The following PSMB2 variants were observed in gnomAD, a reference collection of about 807,000 sequenced individuals.
PSMB2 encodes the protein proteasome subunit beta type-2.
PSMB2 carries 13 observed loss-of-function variants against 25.7 expected under a neutral mutation model. The ratio of observed to expected loss-of-function variants is 0.51; its 90% CI spans 0.33 to 0.80. PSMB2 has a LOEUF of 0.80. PSMB2 is among the 30% of genes least tolerant of loss of function. The pLI is 0.02. For synonymous variants in PSMB2, 87 were observed against 96.2 expected, an observed-to-expected ratio of 0.90 and a Z score of 0.56; for missense variants, 202 against 259.0, an observed-to-expected ratio of 0.78 and a Z score of 1.51.
Position 35,600,576 on chromosome 1 carries a change from T to G in PSMB2, c.*2691A>C, listed in dbSNP as rs1649961224. On this transcript the variant is annotated 3_prime_UTR_variant, in exon 6 of 6. Coordinates refer to ENST00000373237, the MANE Select transcript of PSMB2 (RefSeq NM_002794.5). Reference sequence around the variant, plus strand: ...TTGGGAAACCAGGTAGCTCTAATTCTCTAAGACAGAATGTCATAGAGGCGG... The same window carrying G: ...TTGGGAAACCAGGTAGCTCTAATTCGCTAAGACAGAATGTCATAGAGGCGG... 1.0e-6 allele frequency: 1 copy of G among 985,308 alleles called. No individual in the cohort carries two copies. Among genetic ancestry groups the G allele is most frequent in the Admixed American group, 6.1e-5 (1 of 16,268 alleles). The allele number at this position is 985,308 out of a possible 1,614,324, so 61.0% of individuals were successfully genotyped here.
chr1:35,626,408 T>C (rs1335053638), intron 3 of PSMB2, among the ~76,000 whole-genome samples: 1 of 152,236 alleles, frequency 6.6e-6, no homozygotes, highest in Non-Finnish European at 1.5e-5. Flanking sequence ...ATAATTAATA[T>C]TCTCAGCAGA....
chr1:35,631,607 A>G, intron 2 of PSMB2: 1 of 795,010 alleles, frequency 1.3e-6, no homozygotes, highest in Non-Finnish European at 1.7e-6. Context: ...CCTTGCTTAA[A>G]CTATTCATTC....
intron 3 of PSMB2, among the ~76,000 whole-genome samples, chr1:35,610,460 A>G (rs367670481): frequency 2.1e-4 from 32 of 152,028 alleles, no homozygotes; most frequent in African/African-American, 7.7e-4. Flanking sequence ...ACAACTCATG[A>G]GGTAGGGAGG....
Position 35,628,398 on chromosome 1 carries a change from A to G in PSMB2, c.285+2876T>C, listed in dbSNP as rs983414602. 2.6e-5 allele frequency among the ~76,000 whole-genome samples: 4 copies of G among 151,214 alleles called. No homozygotes were observed. The East Asian group carries it at 5.8e-4, about 22-fold the overall frequency. On this transcript the variant is annotated intron_variant, in intron 3 of 5. Coordinates refer to ENST00000373237, the MANE Select transcript of PSMB2 (RefSeq NM_002794.5). Reference sequence around the variant, plus strand: ...TATGACACAGTATTTATTGTGCCCAAAGCTGGAATTCTTACTCCGGTTCTG... The same window carrying G: ...TATGACACAGTATTTATTGTGCCCAGAGCTGGAATTCTTACTCCGGTTCTG...
intron 3 of PSMB2, among the ~76,000 whole-genome samples, chr1:35,610,337 G>A (rs1004488575): frequency 2.0e-5 from 3 of 151,954 alleles, no homozygotes; most frequent in Non-Finnish European, 4.4e-5. Context: ...CTACTCAGGA[G>A]GCTAAGGTGG....
Position 35,618,841 on chromosome 1 carries a change from AC to A in PSMB2, c.286-9434del, listed in dbSNP as rs1650582858. On this transcript the variant is annotated intron_variant, in intron 3 of 5. Transcript: ENST00000373237. ...CAGAATACTATAATGAGCTTCACAA[AC>A]AAAAAGTTAAACACCTGACTTTCTT... is the stretch of plus-strand genomic sequence containing the variant. Among the ~76,000 whole-genome samples, 4 of 152,362 alleles carry A rather than the reference AC, an allele frequency of 2.6e-5. No homozygotes were observed. The South Asian group carries it at 8.3e-4, about 32-fold the overall frequency.
At position 35,634,415 on chromosome 1, in the gene PSMB2, C is replaced by T. The variant is rs559982196; in HGVS notation, c.214+1895G>A. 6.6e-5 allele frequency among the ~76,000 whole-genome samples: 10 copies of T among 152,262 alleles called. No homozygotes were observed. The South Asian group carries it at 2.1e-3, about 32-fold the overall frequency. On this transcript the variant is annotated intron_variant, in intron 2 of 5. Coordinates refer to ENST00000373237, the MANE Select transcript of PSMB2 (RefSeq NM_002794.5). ...GTTTTGAGACAGGGTCTCACTCTGT[C>T]GCACAGGCTGGAGTGCAGTGGCACT...
Position 35,603,336 on chromosome 1 carries a change from A to T in PSMB2, c.537T>A (p.Ser179Arg). 1 of 1,614,216 alleles carries T rather than the reference A, an allele frequency of 6.2e-7. No homozygotes were observed. The highest frequency in any genetic ancestry group is 1.3e-5 in the African/African-American group (1 of 75,056). Residue 179 changes from serine (S) to arginine (R), a missense_variant, in exon 6 of 6, where the codon AGT becomes AGA. Transcript: ENST00000373237. ...KRFILNLPTF[S>R]VRIIDKNGIH... ...TGCCATTTTTGTCAATGATTCGAAC[A>T]CTGAAGGTTGGCAGATTCAGGATGA...
chr1:35,629,040 TGACCTG>T (rs1651004502), intron 3 of PSMB2, among the ~76,000 whole-genome samples: 1 of 152,214 alleles, frequency 6.6e-6, no homozygotes, highest in Non-Finnish European at 1.5e-5. Context: ...ACCTGCTGTG[TGACCTG>T]GAGCTAGTCC....
At chr1:35,605,311 T>C in intron 4 of PSMB2, 29 bp from the exon 5 acceptor site, 1 of 1,602,560 alleles carries the variant, frequency 6.2e-7, no homozygotes, top group Non-Finnish European at 8.5e-7. Context: ...ACCAAATACT[T>C]CCGGTGCTGT....
At chr1:35,638,125 GGCAGTA>G (rs1651296274) in intron 1 of PSMB2, among the ~76,000 whole-genome samples, 1 of 152,128 alleles carries the variant, frequency 6.6e-6, no homozygotes, top group African/African-American at 2.4e-5. Context: ...TAAAATCCTA[GGCAGTA>G]ACCTGTTCAA....
At chr1:35,629,152 G>A (rs1032747295) in intron 3 of PSMB2, among the ~76,000 whole-genome samples, 1 of 152,120 alleles carries the variant, frequency 6.6e-6, no homozygotes, top group Admixed American at 6.6e-5. Flanking sequence ...AAAATGCTTT[G>A]GGCAAAAGTC....
At position 35,600,322 on chromosome 1, in the gene PSMB2, TA is replaced by T; in HGVS notation, c.*2944del. ...AGAAGAAAATTAGTGGAAAAACTGG[TA>T]AAATCTGAATAAAGCCTGGAGCTTA... On this transcript the variant is annotated 3_prime_UTR_variant, in exon 6 of 6. Transcript: ENST00000373237. 1.1e-6 allele frequency: 1 copy of T among 929,424 alleles called. No homozygotes were observed. The highest frequency in any genetic ancestry group is 1.3e-6 in the Non-Finnish European group (1 of 779,042). The allele number at this position is 929,424 out of a possible 1,614,324, so 57.6% of individuals were successfully genotyped here.
intron 1 of PSMB2, among the ~76,000 whole-genome samples, chr1:35,640,341 C>T (rs367704073): frequency 2.6e-5 from 4 of 152,066 alleles, no homozygotes; most frequent in Admixed American, 6.6e-5. Flanking sequence ...TAAATCCTCC[C>T]GACAAGTTTG....
chr1:35,640,052 G>GTACTGTACTA (rs1651347276), intron 1 of PSMB2, among the ~76,000 whole-genome samples: 1 of 9,412 alleles, frequency 1.1e-4, no homozygotes, highest in African/African-American at 1.9e-4. Flanking sequence ...TTGCCCCTAA[G>GTACTGTACTA]TACTATAATA....
intron 1 of PSMB2, among the ~76,000 whole-genome samples, chr1:35,637,512 G>T (rs1651276893): frequency 6.6e-6 from 1 of 152,138 alleles, no homozygotes; most frequent in Non-Finnish European, 1.5e-5. Flanking sequence ...TTCAGAAAAG[G>T]CCTAAATCTT....
At chr1:35,609,940 T>TA (rs1466375542) in intron 3 of PSMB2, among the ~76,000 whole-genome samples, 2 of 151,714 alleles carry the variant, frequency 1.3e-5, no homozygotes, top group Admixed American at 1.3e-4. Context: ...AAATTTAAAA[T>TA]AAAAAAAAAT....
At chr1:35,611,284 C>G (rs1158046175) in intron 3 of PSMB2, among the ~76,000 whole-genome samples, 5 of 152,128 alleles carry the variant, frequency 3.3e-5, no homozygotes, top group African/African-American at 1.2e-4. Flanking sequence ...TCTTTGAACA[C>G]TGATTAACAC....
At chr1:35,610,104 T>C (rs530784308) in intron 3 of PSMB2, among the ~76,000 whole-genome samples, 1 of 152,322 alleles carries the variant, frequency 6.6e-6, no homozygotes, top group East Asian at 1.9e-4. Flanking sequence ...TCTGGGCATC[T>C]GGACCAATCC....
Sources: allele counts gnomAD v4.1 joint callset (sites outside exome capture counted in the v4.1 genomes callset), GRCh38; gene constraint gnomAD v4.1.1; transcripts MANE v1.5; gene names NCBI Gene and HGNC (gene_info 2026-07-23, HGNC 2026-07-21).